Variants in NTM observed in about 807,000 individuals in gnomAD.
NTM encodes the protein IgLON family member 2.
In NTM, 13 loss-of-function variants were observed where a neutral mutation model predicts 42.1. The ratio of observed to expected loss-of-function variants is 0.31; its 90% CI spans 0.20 to 0.49. NTM has a LOEUF of 0.49. Among genes scored for constraint, NTM ranks in the 20% least tolerant of loss-of-function variants. The pLI is 0.99. For synonymous variants in NTM, 187 were observed against 179.2 expected, an observed-to-expected ratio of 1.04 and a Z score of -0.35; for missense variants, 373 against 452.8, an observed-to-expected ratio of 0.82 and a Z score of 1.60.
At chr11:131,973,359 A>T (rs1196064034) in intron 2 of NTM, among the ~76,000 whole-genome samples, 3 of 152,202 alleles carry the variant, frequency 2.0e-5, no homozygotes, top group African/African-American at 7.2e-5. Context: ...CTTAGCTCTT[A>T]CTTTACAGCA....
chr11:131,565,444 C>G (rs536093909), intron 1 of NTM, among the ~76,000 whole-genome samples: 1 of 152,150 alleles, frequency 6.6e-6, no homozygotes, highest in African/African-American at 2.4e-5. Context: ...GCGGTGAGAG[C>G]GGGGTTGGTT....
intron 1 of NTM, among the ~76,000 whole-genome samples, chr11:131,380,208 G>A (rs1318877988): frequency 7.1e-6 from 1 of 140,708 alleles, no homozygotes; most frequent in Non-Finnish European, 1.5e-5. Context: ...CCTTTCCTTT[G>A]AGTCTTTTTT....
At chr11:132,214,530 A>G (rs2083459475) in intron 4 of NTM, among the ~76,000 whole-genome samples, 2 of 151,978 alleles carry the variant, frequency 1.3e-5, no homozygotes, top group South Asian at 2.1e-4. Context: ...TTGTTGTTCT[A>G]TGCTTTGGCT....
At chr11:131,718,361 CT>C (rs765215299) in intron 1 of NTM, among the ~76,000 whole-genome samples, 20 of 152,234 alleles carry the variant, frequency 1.3e-4, no homozygotes, top group African/African-American at 4.8e-4. Context: ...TGTGGAAGGA[CT>C]TTTTTCTACA....
chr11:131,668,162 G>C (rs1393520843), intron 1 of NTM, among the ~76,000 whole-genome samples: 1 of 152,176 alleles, frequency 6.6e-6, no homozygotes, highest in East Asian at 1.9e-4. Flanking sequence ...TGGGCTGTTA[G>C]TGTCTATATT....
At chr11:132,004,471 C>T (rs1310097879) in intron 2 of NTM, among the ~76,000 whole-genome samples, 2 of 152,154 alleles carry the variant, frequency 1.3e-5, no homozygotes, top group East Asian at 1.9e-4. Context: ...TGGTTAACTT[C>T]CTCAATGACC....
chr11:131,994,967 GT>G (rs2067719297), intron 2 of NTM, among the ~76,000 whole-genome samples: 3 of 151,906 alleles, frequency 2.0e-5, no homozygotes, highest in Admixed American at 2.0e-4. Context: ...TATTTGTAAT[GT>G]CTTTTATCTG....
At chr11:131,730,096 T>C (rs760725260) in intron 1 of NTM, among the ~76,000 whole-genome samples, 26 of 152,316 alleles carry the variant, frequency 1.7e-4, no homozygotes, top group Non-Finnish European at 3.5e-4. Context: ...TTGCCAGCAC[T>C]TGTTAGTGTC....
chr11:132,003,675 T>G lies in NTM; in HGVS notation c.167+92027T>G, dbSNP rs376547359. On this transcript the variant is annotated intron_variant, in intron 2 of 8. Coordinates refer to ENST00000683400, the MANE Select transcript of NTM (RefSeq NM_001352005.2). The surrounding 1 kb of genome is among the most constrained non-coding windows in gnomAD (Gnocchi z 6.0). ...AAGAAAAGGCTTTTCCTGGTAGGTCTGTCTGTAGCTCAATCACATGTCCCA... is the reference window on the plus strand; with the variant it reads ...AAGAAAAGGCTTTTCCTGGTAGGTCGGTCTGTAGCTCAATCACATGTCCCA... Among the ~76,000 whole-genome samples, 8 of 151,982 alleles carry G rather than the reference T, an allele frequency of 5.3e-5. No individual in the cohort carries two copies. In the East Asian group the frequency reaches 1.6e-3, roughly 29 times the overall value.
At chr11:132,085,028 C>G (rs1488192808) in intron 2 of NTM, among the ~76,000 whole-genome samples, 1 of 152,164 alleles carries the variant, frequency 6.6e-6, no homozygotes, top group Non-Finnish European at 1.5e-5. Context: ...TATTTCAATG[C>G]TCAATTTACA....
chr11:132,323,658 C>A (rs2095618854), intron 7 of NTM, among the ~76,000 whole-genome samples: 3 of 152,154 alleles, frequency 2.0e-5, no homozygotes, highest in Admixed American at 6.5e-5. Flanking sequence ...AAGAGGGAAT[C>A]CTCCCTAACT....
At chr11:131,596,950 A>G (rs2059864065) in intron 1 of NTM, among the ~76,000 whole-genome samples, 3 of 152,218 alleles carry the variant, frequency 2.0e-5, no homozygotes, top group Non-Finnish European at 2.9e-5. Flanking sequence ...GTTCCAGGGC[A>G]GGAAGCATCC....
At chr11:132,182,982 G>A (rs1164827292) in intron 3 of NTM, among the ~76,000 whole-genome samples, 4 of 152,084 alleles carry the variant, frequency 2.6e-5, no homozygotes, top group African/African-American at 9.7e-5. Flanking sequence ...CCAAACACAT[G>A]GTGCCTTTCT....
intron 1 of NTM, among the ~76,000 whole-genome samples, chr11:131,791,326 T>C (rs1411576584): frequency 6.6e-6 from 1 of 152,218 alleles, no homozygotes; most frequent in Non-Finnish European, 1.5e-5. Context: ...TCCAATGCAG[T>C]GTTATCTTTC....
Position 132,146,030 on chromosome 11 carries a change from T to A in NTM, c.168-252T>A, listed in dbSNP as rs1235731173. ...CTGGGCATGCAAGGTACCTCTAGGT[T>A]ATAACTGAGATCGTATTTGAAGTGG... On this transcript the variant is annotated intron_variant, in intron 2 of 8. Transcript: ENST00000683400. This position sits in a 1 kb window ranked among gnomAD's most constrained non-coding sequence, Gnocchi z 4.5. Among the ~76,000 whole-genome samples, 1 of 152,178 alleles carries A rather than the reference T, an allele frequency of 6.6e-6. No individual in the cohort carries two copies. The highest frequency in any genetic ancestry group is 1.5e-5 in the Non-Finnish European group (1 of 68,040).
chr11:132,312,348 C>A (rs1465660806), intron 6 of NTM: 4 of 152,206 alleles, frequency 2.6e-5, no homozygotes, highest in Non-Finnish European at 5.9e-5. Flanking sequence ...TGGCCACATG[C>A]CAGAATGACT....
intron 2 of NTM, among the ~76,000 whole-genome samples, chr11:132,012,087 A>G (rs2072333378): frequency 6.6e-6 from 1 of 152,162 alleles, no homozygotes; most frequent in Non-Finnish European, 1.5e-5. Context: ...ATGCTCTTTG[A>G]TTCATTTTGT....
intron 4 of NTM, among the ~76,000 whole-genome samples, chr11:132,232,103 T>C (rs781343255): frequency 2.0e-5 from 3 of 152,202 alleles, no homozygotes; most frequent in African/African-American, 4.8e-5. Context: ...TTGTTGTCAC[T>C]CTACCTGCGT....
chr11:132,001,109 C>T (rs530417196), intron 2 of NTM, among the ~76,000 whole-genome samples: 1 of 152,184 alleles, frequency 6.6e-6, no homozygotes, highest in Non-Finnish European at 1.5e-5. Flanking sequence ...GTTTGTTTTG[C>T]AGGTTGCAAA....
Sources: allele counts gnomAD v4.1 joint callset (sites outside exome capture counted in the v4.1 genomes callset), GRCh38; gene constraint gnomAD v4.1.1; non-coding constraint Gnocchi (gnomAD v3.1); transcripts MANE v1.5; gene names NCBI Gene and HGNC (gene_info 2026-07-23, HGNC 2026-07-21).